The following UBR4 variants were observed in gnomAD, a reference collection of about 807,000 sequenced individuals.
UBR4 encodes the protein E3 ubiquitin-protein ligase UBR4.
A neutral mutation model predicts 575.6 loss-of-function variants in UBR4; 124 were observed. The ratio of observed to expected loss-of-function variants is 0.22; its 90% CI spans 0.19 to 0.25. UBR4 has a LOEUF of 0.25. Among genes scored for constraint, UBR4 ranks in the 10% least tolerant of loss-of-function variants. The pLI, the probability that UBR4 is intolerant of heterozygous loss-of-function variation, is 1.00. For synonymous variants in UBR4, 2,455 were observed against 2,473.7 expected, an observed-to-expected ratio of 0.99 and a Z score of 0.22; for missense variants, 4,818 against 6,478.8, an observed-to-expected ratio of 0.74 and a Z score of 8.80.
intron 102 of UBR4, 21 bp downstream of exon 102, chr1:19,084,483 C>A: frequency 6.3e-7 from 1 of 1,582,554 alleles, no homozygotes; most frequent in Non-Finnish European, 8.6e-7. Context: ...AGATGCCGCC[C>A]CTGGGACACA....
chr1:19,121,630 C>T (rs1046555435), intron 67 of UBR4, among the ~76,000 whole-genome samples, 196 bp from the exon 68 acceptor site: 2 of 152,180 alleles, frequency 1.3e-5, no homozygotes, highest in African/African-American at 2.4e-5. Flanking sequence ...ACACACCGAC[C>T]AGAGCCCCCT....
Position 19,163,738 on chromosome 1 carries a change from C to G in UBR4, c.4764+26G>C, listed in dbSNP as rs561202570. 2.5e-5 allele frequency: 41 copies of G among 1,612,342 alleles called. No individual in the cohort carries two copies. In the South Asian group the frequency reaches 4.1e-4, roughly 16 times the overall value. On this transcript the variant is annotated intron_variant, in intron 34 of 105. Transcript: ENST00000375254. ...TGAGAATCACCTTTCCCTTCACCCC[C>G]CATTGTCATTCCTCACTTTTCTTAC...
intron 1 of UBR4, among the ~76,000 whole-genome samples, chr1:19,205,677 G>A (rs1026113859): frequency 7.0e-6 from 1 of 143,212 alleles, no homozygotes; most frequent in East Asian, 2.0e-4. Flanking sequence ...TTATCAATTT[G>A]CATCCTACTG....
At chr1:19,097,073 T>A in intron 91 of UBR4, 120 bp downstream of exon 91, 1 of 733,570 alleles carries the variant, frequency 1.4e-6, no homozygotes, top group Non-Finnish European at 2.0e-6. Flanking sequence ...AGAAACAATC[T>A]CCCCACAATT....
At position 19,153,723 on chromosome 1, in the gene UBR4, A is replaced by G. The variant is rs779615539; in HGVS notation, c.6630+45T>C. ...AATGAATATACAAACATAAAAAGAG[A>G]CCAGGTTCACAGCAAAGTAATGAAT... On this transcript the variant is annotated intron_variant, in intron 45 of 105. Transcript: ENST00000375254. This position sits in a 1 kb window ranked among gnomAD's most constrained non-coding sequence, Gnocchi z 4.1. The G allele has an allele frequency of 6.3e-7, 1 of 1,584,274 alleles. No individual in the cohort carries two copies.
chr1:19,155,556 A>G lies in UBR4; in HGVS notation c.6185T>C (p.Val2062Ala). The change falls in exon 43 of 106, where the codon GTT becomes GCT. Residue 2062 changes from valine to alanine, a missense_variant. Val to Ala is a moderately conservative substitution (Grantham distance 64). Transcript: ENST00000375254. ...GATGTACCCAGCCGAAGACATTATAACAATGATGTTCTTTCCCTCCTCATT... is the reference window on the plus strand; with the variant it reads ...GATGTACCCAGCCGAAGACATTATAGCAATGATGTTCTTTCCCTCCTCATT... ...LFNEEGKNII[V>A]IMSSAGYIYT... The G allele has an allele frequency of 6.2e-7, 1 of 1,614,164 alleles. No individual in the cohort carries two copies. Among genetic ancestry groups the G allele is most frequent in the Non-Finnish European group, 8.5e-7 (1 of 1,179,996 alleles).
At chr1:19,092,744 G>A (rs1467387950) in intron 97 of UBR4, 75 bp downstream of exon 97, 1 of 1,246,474 alleles carries the variant, frequency 8.0e-7, no homozygotes. Context: ...ATTAGGGTAA[G>A]TCATGTCTCA....
rs1201959079 is a variant in UBR4, at chr1:19,127,603, T to C, written c.9228+20A>G. ...ATCCGCTTACCTTTCCCCAAACCCA[T>C]GAACCCAAAGCAAAAATACCTCACA... On this transcript the variant is annotated intron_variant, in intron 63 of 105. Coordinates refer to ENST00000375254, the MANE Select transcript of UBR4 (RefSeq NM_020765.3). 4 of 1,605,856 alleles carry C rather than the reference T, an allele frequency of 2.5e-6. No individual in the cohort carries two copies. The South Asian group carries it at 3.3e-5, about 13-fold the overall frequency.
At chr1:19,210,006 C>A in intron 1 of UBR4, 67 bp downstream of exon 1, 1 of 1,465,432 alleles carries the variant, frequency 6.8e-7, no homozygotes, top group Non-Finnish European at 9.0e-7. Context: ...AAAGCGGGTC[C>A]AGACGATCCG....
Position 19,173,639 on chromosome 1 carries a change from A to G in UBR4, c.2983-18T>C, listed in dbSNP as rs1395720083. 6.2e-7 allele frequency: 1 copy of G among 1,613,278 alleles called. No individual in the cohort carries two copies. Among genetic ancestry groups the G allele is most frequent in the East Asian group, 2.2e-5 (1 of 44,844 alleles). ...CAGGCCTCCTGGAGAAAGGAAAAGC[A>G]GCATAGAGGTAGCACTTGGTATGGC... On this transcript the variant is annotated intron_variant, in intron 22 of 105. Coordinates refer to ENST00000375254, the MANE Select transcript of UBR4 (RefSeq NM_020765.3).
rs1315233476 is a variant in UBR4, at chr1:19,173,712, A to G, written c.2983-91T>C. 6 of 1,265,332 alleles carry G rather than the reference A, an allele frequency of 4.7e-6. No homozygotes were observed. In the East Asian group the frequency reaches 1.2e-4, roughly 26 times the overall value. 78.4% of individuals were successfully genotyped at this position (1,265,332 alleles called of 1,614,324 possible). On this transcript the variant is annotated intron_variant, in intron 22 of 105. Transcript: ENST00000375254. ...GAACTACTCCAAATACAACTTTTAA[A>G]CCAGAACTGTATAGAGTCCTGATTT...
intron 8 of UBR4, among the ~76,000 whole-genome samples, chr1:19,195,266 AAATAAT>A (rs56018841): frequency 3.5e-4 from 50 of 143,336 alleles, no homozygotes; most frequent in Admixed American, 2.5e-3. Context: ...CTCCATCTCA[AAATAAT>A]AATAATAATA....
rs981906745 is a variant in UBR4, at chr1:19,122,072, C to G, written c.9817-60G>C. 12 of 1,544,668 alleles carry G rather than the reference C, an allele frequency of 7.8e-6. No homozygotes were observed. In the East Asian group the frequency reaches 2.7e-4, roughly 35 times the overall value. ...TCCACCACATTGCCCAGACAAGCAC[C>G]ACACCTGCTGCCTGGAGCCATCTCC... On this transcript the variant is annotated intron_variant, in intron 66 of 105. Coordinates refer to ENST00000375254, the MANE Select transcript of UBR4 (RefSeq NM_020765.3).
chr1:19,143,251 GAAGGAAGGAAGA>G (rs1557762038), intron 55 of UBR4, among the ~76,000 whole-genome samples: 1,823 of 96,576 alleles, frequency 0.019, 14 homozygotes, highest in African/African-American at 0.027. Context: ...AGGAAGGAAG[GAAGGAAGGAAGA>G]AAGAAAGAAA....
In UBR4 at chr1:19,153,683, G is replaced by C; in HGVS notation, c.6630+85C>G. Reference sequence around the variant, plus strand: ...AATCTTTTATGGGCCTCCATTGAAAGAGCTGGGAAAGTGAAATGAATATAC... The same window carrying C: ...AATCTTTTATGGGCCTCCATTGAAACAGCTGGGAAAGTGAAATGAATATAC... On this transcript the variant is annotated intron_variant, in intron 45 of 105. Coordinates refer to ENST00000375254, the MANE Select transcript of UBR4 (RefSeq NM_020765.3). This position sits in a 1 kb window ranked among gnomAD's most constrained non-coding sequence, Gnocchi z 4.1. 6.5e-7 allele frequency: 1 copy of C among 1,532,360 alleles called. No homozygotes were observed. The highest frequency in any genetic ancestry group is 1.4e-5 in the African/African-American group (1 of 72,114). 94.9% of individuals were successfully genotyped at this position (1,532,360 alleles called of 1,614,324 possible).
rs1409430190 is a variant in UBR4 at position 19,110,314 on chromosome 1, C to T, written c.11977+66G>A. 14 of 1,612,796 alleles carry T rather than the reference C, an allele frequency of 8.7e-6. No individual in the cohort carries two copies. Among genetic ancestry groups the T allele is most frequent in the Middle Eastern group, 1.6e-4 (1 of 6,076 alleles). The stretch of plus-strand genomic sequence containing the variant: ...CCCAAGCATCAGTTTCCCTCCTCCC[C>T]TCCCAGTCCGGCCAGGACTGCTCCT... On this transcript the variant is annotated intron_variant, in intron 80 of 105. Transcript: ENST00000375254. This position sits in a 1 kb window ranked among gnomAD's most constrained non-coding sequence, Gnocchi z 4.5.
intron 25 of UBR4, 60 bp from the exon 26 acceptor site, chr1:19,170,943 A>T: frequency 2.5e-6 from 4 of 1,612,326 alleles, no homozygotes; most frequent in Non-Finnish European, 2.5e-6. Flanking sequence ...AGTTAGGAAA[A>T]ACTGGCCCTA....
At chr1:19,180,602 T>C (rs997690588) in intron 17 of UBR4, among the ~76,000 whole-genome samples, 2 of 150,238 alleles carry the variant, frequency 1.3e-5, no homozygotes, top group Non-Finnish European at 3.0e-5. Context: ...ACAATTCTAA[T>C]AATGGAAAAA....
At chr1:19,137,807 C>T (rs143351597) in intron 60 of UBR4, among the ~76,000 whole-genome samples, 200 bp downstream of exon 60, 4 of 152,234 alleles carry the variant, frequency 2.6e-5, no homozygotes, top group South Asian at 2.1e-4. Flanking sequence ...CTATTCTCTC[C>T]GTAATTAATA....
Sources: gnomAD v4.1 joint callset for allele counts (sites outside exome capture counted in the v4.1 genomes callset) on GRCh38, gnomAD v4.1.1 for gene constraint, Gnocchi (gnomAD v3.1) non-coding constraint, MANE v1.5 for transcripts, NCBI Gene and HGNC (gene_info 2026-07-23, HGNC 2026-07-21) for gene names.